RUNX1T1: variants seen among roughly 807,000 people sequenced by gnomAD.
The protein encoded by RUNX1T1 is RUNX1 partner transcriptional co-repressor 1, also known as protein CBFA2T1.
Under a neutral mutation model 62.8 loss-of-function variants are expected in RUNX1T1, and 4 were observed. That is an observed-to-expected ratio of 0.06 (90% CI 0.03 to 0.15). RUNX1T1 has a LOEUF of 0.15. Ranked by LOEUF, RUNX1T1 falls within the 10% of genes least tolerant of loss-of-function variation. The pLI is 1.00. For missense variants in RUNX1T1, 508 were observed against 754.3 expected (o/e 0.67, Z 3.82); for synonymous variants, 291 against 286.0 (o/e 1.02, Z -0.18).
exon 8 of RUNX1T1, chr8:91,986,190 CTTT>C: frequency 2.5e-6 from 4 of 1,613,992 alleles, no homozygotes; most frequent in Non-Finnish European, 2.5e-6. Flanking sequence ...CTGCCGCCAC[CTTT>C]TTTTAAGTCC....
intron 1 of RUNX1T1, among the ~76,000 whole-genome samples, chr8:92,047,041 C>T (rs1041266324): frequency 7.2e-5 from 11 of 152,082 alleles, no homozygotes; most frequent in Admixed American, 6.6e-5. Flanking sequence ...CGCTGGGCAG[C>T]GGGTATGTGG....
chr8:92,053,118 G>A (rs892436496), intron 1 of RUNX1T1, among the ~76,000 whole-genome samples: 1 of 151,800 alleles, frequency 6.6e-6, no homozygotes, highest in Non-Finnish European at 1.5e-5. Context: ...AAAGAGAGCA[G>A]CAATTAAAAT....
intron 1 of RUNX1T1, among the ~76,000 whole-genome samples, chr8:92,047,752 TA>T (rs755544614): frequency 0.025 from 3,508 of 142,702 alleles, 43 homozygotes; most frequent in African/African-American, 0.049. Context: ...ACTATGGATT[TA>T]AAAAAAAAAA....
At chr8:92,075,769 C>T (rs1834326310) in intron 2 of RUNX1T1, among the ~76,000 whole-genome samples, 196 bp downstream of exon 2, 1 of 152,106 alleles carries the variant, frequency 6.6e-6, no homozygotes, top group South Asian at 2.1e-4. Flanking sequence ...ACAGGGTTCC[C>T]ACCACCAGAT....
At chr8:91,966,169 A>G (rs1470806283) in intron 10 of RUNX1T1, among the ~76,000 whole-genome samples, 1 of 149,078 alleles carries the variant, frequency 6.7e-6, no homozygotes, top group African/African-American at 2.4e-5. Context: ...ATAACTATAT[A>G]TATATATATA....
At chr8:92,063,367 T>C (rs1171465251), upstream of RUNX1T1, 2 of 152,204 alleles carry the variant, frequency 1.3e-5, no homozygotes, top group African/African-American at 4.8e-5. Context: ...TCAGCTTACT[T>C]TCCTCTACCT....
At chr8:91,968,191 A>G (rs774736313) in intron 10 of RUNX1T1, among the ~76,000 whole-genome samples, 3 of 152,076 alleles carry the variant, frequency 2.0e-5, no homozygotes, top group Non-Finnish European at 4.4e-5. Flanking sequence ...GAGCTGTGCT[A>G]GCAGAAGACG....
chr8:92,011,749 G>A (rs755628102), intron 3 of RUNX1T1, among the ~76,000 whole-genome samples: 27 of 152,198 alleles, frequency 1.8e-4, no homozygotes, highest in Non-Finnish European at 2.6e-4. Flanking sequence ...GCAACTGCTT[G>A]ACCCAAACAA....
intron 1 of RUNX1T1, among the ~76,000 whole-genome samples, chr8:92,058,028 C>T (rs1488621066): frequency 2.6e-5 from 4 of 152,110 alleles, no homozygotes; most frequent in African/African-American, 7.2e-5. Flanking sequence ...TTCCAATAGG[C>T]GTTCGTGTAG....
chr8:92,015,806 A>C (rs928149624), intron 2 of RUNX1T1, among the ~76,000 whole-genome samples: 2 of 152,224 alleles, frequency 1.3e-5, no homozygotes, highest in Non-Finnish European at 2.9e-5. Flanking sequence ...TGACATAATA[A>C]AATGGTTCTC....
chr8:92,087,259 A>G (rs1260415483), intron 1 of RUNX1T1, among the ~76,000 whole-genome samples: 1 of 152,118 alleles, frequency 6.6e-6, no homozygotes, highest in Non-Finnish European at 1.5e-5. Flanking sequence ...TGAAGCTTAA[A>G]TCAAAATGCT....
intron 4 of RUNX1T1, among the ~76,000 whole-genome samples, chr8:92,009,092 A>C (rs1199115637): frequency 1.2e-4 from 18 of 152,182 alleles, no homozygotes; most frequent in Admixed American, 1.1e-3. Flanking sequence ...TGGATGGTAC[A>C]AGACAAGAGG....
At position 92,038,468 on chromosome 8, in the gene RUNX1T1, G is replaced by A. The variant is rs183127837; in HGVS notation, c.8-21105C>T. On this transcript the variant is annotated intron_variant, in intron 1 of 10. Coordinates refer to ENST00000396218, the Ensembl canonical transcript of RUNX1T1. Reference sequence around the variant, plus strand: ...ACACAAAGGGAGGGTGAATAGTTACGAGTTCATGCTGTGGTCAAGGTTAGA... The same window carrying A: ...ACACAAAGGGAGGGTGAATAGTTACAAGTTCATGCTGTGGTCAAGGTTAGA... Among the ~76,000 whole-genome samples the A allele has an allele frequency of 4.6e-5, 7 of 152,212 alleles. No homozygotes were observed. In the East Asian group the frequency reaches 1.4e-3, roughly 29 times the overall value.
chr8:92,011,892 C>A (rs181792297), intron 3 of RUNX1T1, among the ~76,000 whole-genome samples: 5 of 152,210 alleles, frequency 3.3e-5, no homozygotes, highest in Admixed American at 2.6e-4. Flanking sequence ...AACAACAAAG[C>A]AATTATAAAG....
intron 5 of RUNX1T1, among the ~76,000 whole-genome samples, chr8:91,997,479 T>A (rs10092127): frequency 6.6e-5 from 10 of 152,208 alleles, no homozygotes; most frequent in Admixed American, 3.9e-4. Context: ...TGTCATTTAT[T>A]TATTTAAATA....
At chr8:92,014,169 A>G (rs534155737) in intron 3 of RUNX1T1, among the ~76,000 whole-genome samples, 1 of 152,310 alleles carries the variant, frequency 6.6e-6, no homozygotes, top group Admixed American at 6.5e-5. Flanking sequence ...AATTAAAATG[A>G]GCATCCAATT....
intron 1 of RUNX1T1, among the ~76,000 whole-genome samples, chr8:92,024,721 T>C (rs1387825413): frequency 6.6e-6 from 1 of 152,158 alleles, no homozygotes; most frequent in Non-Finnish European, 1.5e-5. Context: ...TTCTCTGGCT[T>C]TCCTCGCTTC....
intron 6 of RUNX1T1, among the ~76,000 whole-genome samples, chr8:91,988,837 G>GA (rs1240041844): frequency 1.1e-4 from 17 of 152,036 alleles, no homozygotes; most frequent in Non-Finnish European, 2.2e-4. Flanking sequence ...AGTACTTGGT[G>GA]AAAAAATGTA....
chr8:91,968,361 T>C (rs1304879726), intron 10 of RUNX1T1, among the ~76,000 whole-genome samples: 1 of 152,208 alleles, frequency 6.6e-6, no homozygotes, highest in Non-Finnish European at 1.5e-5. Context: ...GTGGTTGCCC[T>C]GCACCCTAGG....
Sources: allele counts gnomAD v4.1 joint callset (sites outside exome capture counted in the v4.1 genomes callset), GRCh38; gene constraint gnomAD v4.1.1; transcripts MANE v1.5; gene names NCBI Gene and HGNC (gene_info 2026-07-23, HGNC 2026-07-21).